CTU2: variants seen among roughly 807,000 people sequenced by gnomAD.
CTU2 encodes cytoplasmic tRNA 2-thiolation protein 2.
CTU2 carries 80 observed loss-of-function variants against 64.1 expected under a neutral mutation model. The observed-to-expected ratio is 1.25, with a 90% CI of 1.04 to 1.50. The LOEUF is 1.50. Among genes scored for constraint, CTU2 ranks in the 40% most tolerant of loss-of-function variants. CTU2 has a pLI of 0.00. For synonymous variants in CTU2, 482 were observed against 285.3 expected (o/e 1.69, Z -6.95); for missense variants, 1,110 against 690.2 (o/e 1.61, Z -6.81).
rs199700993 is a variant in CTU2, at chr16:88,714,631, C to T, written c.1246C>T (p.Gln416Ter). Residue 416 changes from glutamine to a stop codon, truncating the protein, a stop_gained, in exon 12 of 15, where the codon CAG (glutamine) becomes TAG (stop). Transcript: ENST00000453996. LOFTEE classifies it high-confidence loss of function. ...GGCTCAGACCTCCTCGCGTCTCTCC[C>T]AGATGCAGTCACCCATCCCCCTGAC... Reference protein sequence around the residue: ...FGAQTSSRLSQMQSPIPLTET... With the variant: ...FGAQTSSRLS 2.4e-5 allele frequency: 39 copies of T among 1,612,492 alleles called. No homozygotes were observed. In the Middle Eastern group the frequency reaches 8.2e-4, roughly 34 times the overall value.
Position 88,706,572 on chromosome 16 carries a change from G to A in CTU2, c.42G>A (p.Glu14=), listed in dbSNP as rs966580959. ...VGEDYGEPAP[E]EPPPAPRPSR... is the part of the protein sequence containing the mutation. ...AGGACTACGGGGAGCCGGCGCCTGA[G>A]GAGCCGCCCCCGGCGCCGCGGCCCA... The change falls in exon 1 of 15, where the codon GAG becomes GAA. Residue 14 remains glutamate (E), a synonymous_variant. Coordinates refer to ENST00000453996, the MANE Select transcript of CTU2 (RefSeq NM_001012759.3). 4.5e-5 allele frequency: 65 copies of A among 1,455,998 alleles called. No homozygotes were observed. Among genetic ancestry groups the A allele is most frequent in the Non-Finnish European group, 5.5e-5 (61 of 1,111,220 alleles). 90.2% of individuals were successfully genotyped at this position (1,455,998 alleles called of 1,614,324 possible). A position where few individuals can be genotyped will look rare whatever the true frequency, so the allele number is the denominator to read the frequency against.
chr16:88,712,441 C>A (rs902084941), intron 6 of CTU2, 58 bp downstream of exon 6: 1 of 1,474,078 alleles, frequency 6.8e-7, no homozygotes. Flanking sequence ...GGCACCTGCC[C>A]GTGTCCCAGC....
chr16:88,714,949 T>C, intron 13 of CTU2, 23 bp downstream of exon 13: 1 of 1,610,314 alleles, frequency 6.2e-7, no homozygotes, highest in Non-Finnish European at 8.5e-7. Context: ...CCACCTGTCC[T>C]GGGCCGGGCT....
chr16:88,712,792 G>A lies in CTU2; in HGVS notation c.624G>A (p.Leu208=). ...QGEEQPPQPP[L]DPQNLARPPA... ...AGGAACAGCCACCCCAGCCCCCGCTGGACCCCCAGAACCTGGCAAGACCGC... is the reference window on the plus strand; with the variant it reads ...AGGAACAGCCACCCCAGCCCCCGCTAGACCCCCAGAACCTGGCAAGACCGC... The change falls in exon 7 of 15, where the codon CTG becomes CTA. Residue 208 remains leucine, a synonymous_variant. Transcript: ENST00000453996. 3 of 1,608,052 alleles carry A rather than the reference G, an allele frequency of 1.9e-6. No homozygotes were observed. The highest frequency in any genetic ancestry group is 2.5e-6 in the Non-Finnish European group (3 of 1,177,892).
rs768811120 is a variant in CTU2 at position 88,714,932 on chromosome 16, T to G, written c.1419+6T>G. ...GCGTGAACATGAAGGACTTGGTGAG[T>G]ACGTGCCCACCTGTCCTGGGCCGGG... On this transcript the variant is annotated splice_donor_region_variant and intron_variant, in intron 13 of 14. Transcript: ENST00000453996. 3.1e-6 allele frequency: 5 copies of G among 1,612,498 alleles called. No homozygotes were observed.
chr16:88,712,040 C>A (rs760149102), intron 5 of CTU2: 3 of 666,806 alleles, frequency 4.5e-6, no homozygotes, highest in Non-Finnish European at 8.2e-6. Context: ...GGGGCCGACT[C>A]CCCGACCCTT....
In CTU2 at chr16:88,714,195, C is replaced by T; in HGVS notation, c.1065C>T (p.Thr355=). The change falls in exon 10 of 15, where the codon ACC becomes ACT. Residue 355 remains threonine (T), a synonymous_variant. Transcript: ENST00000453996. ...LMEAFILRLQ[T]QFPSTVSTVY... is the part of the protein sequence containing the mutation. Reference sequence around the variant, plus strand: ...AGGCCTTCATCCTCAGGCTGCAGACCCAGTTCCCCTCCACTGTCAGCACTG... The same window carrying T: ...AGGCCTTCATCCTCAGGCTGCAGACTCAGTTCCCCTCCACTGTCAGCACTG... The T allele has an allele frequency of 6.2e-7, 1 of 1,612,214 alleles. No homozygotes were observed. Among genetic ancestry groups the T allele is most frequent in the Non-Finnish European group, 8.5e-7 (1 of 1,179,842 alleles).
rs190598648 is a variant in CTU2, at chr16:88,715,033, C to G, written c.1420-15C>G. ...GGCAGGTTTCTTGGCCCCTCGACACCGGCCTCTGTTGCAGCCCTCACTGGA... is the reference window on the plus strand; with the variant it reads ...GGCAGGTTTCTTGGCCCCTCGACACGGGCCTCTGTTGCAGCCCTCACTGGA... On this transcript the variant is annotated splice_polypyrimidine_tract_variant and intron_variant, in intron 13 of 14. Coordinates refer to ENST00000453996, the MANE Select transcript of CTU2 (RefSeq NM_001012759.3). 1.9e-6 allele frequency: 3 copies of G among 1,577,192 alleles called. No individual in the cohort carries two copies. The highest frequency in any genetic ancestry group is 2.6e-6 in the Non-Finnish European group (3 of 1,160,482).
chr16:88,712,038 C>T (rs1333973751), intron 5 of CTU2: 4 of 658,908 alleles, frequency 6.1e-6, no homozygotes, highest in Non-Finnish European at 1.1e-5. Context: ...CAGGGGCCGA[C>T]TCCCCGACCC....
chr16:88,712,113 A>G (rs1375209122), intron 5 of CTU2, 161 bp from the exon 6 acceptor site: 1 of 727,938 alleles, frequency 1.4e-6, no homozygotes, highest in Non-Finnish European at 2.5e-6. Flanking sequence ...CAAGAGAGAA[A>G]CCCCTGCCCA....
At chr16:88,710,488 C>T (rs1384654711) in intron 4 of CTU2, 1 of 583,884 alleles carries the variant, frequency 1.7e-6, no homozygotes, top group African/African-American at 1.9e-5. Context: ...GGCCCACTCT[C>T]AGATGTGTTT....
rs2306046 is a variant in CTU2 at position 88,715,011 on chromosome 16, A to G, written c.1420-37A>G. On this transcript the variant is annotated intron_variant, in intron 13 of 14. Coordinates refer to ENST00000453996, the MANE Select transcript of CTU2 (RefSeq NM_001012759.3). ...GTGGGTGGCTTGAGGGGGTGCTGGC[A>G]GGTTTCTTGGCCCCTCGACACCGGC... The G allele has an allele frequency of 0.9, 1,421,165 of 1,586,704 alleles. 636,828 individuals carry two copies. The highest frequency in any genetic ancestry group is 0.94 in the Middle Eastern group (5,621 of 5,982).
chr16:88,712,933 G>A (rs756796932), intron 7 of CTU2, 28 bp downstream of exon 7: 9 of 1,241,362 alleles, frequency 7.3e-6, no homozygotes, highest in Admixed American at 3.0e-5. Context: ...CCCCTTCCCC[G>A]GGCCCTGACC....
intron 2 of CTU2, among the ~76,000 whole-genome samples, chr16:88,707,842 A>C (rs995797882): frequency 2.1e-4 from 31 of 151,078 alleles, no homozygotes; most frequent in African/African-American, 7.1e-4. Flanking sequence ...TCCCTCTGTC[A>C]CCCAGGCTGG....
intron 1 of CTU2, 112 bp downstream of exon 1, chr16:88,706,710 C>T (rs1910869903): frequency 2.6e-6 from 2 of 757,230 alleles, no homozygotes; most frequent in African/African-American, 3.7e-5. Context: ...GAGAGCGGGA[C>T]CTCGCTCCCT....
rs144162256 is a variant in CTU2, at chr16:88,706,942, G to A, written c.69-194G>A. ...TGTGCCCCCTGAGCCGGCTTTTCTA[G>A]GCTAAACATCCCCCCAGAGCCTTTG... On this transcript the variant is annotated intron_variant, in intron 1 of 14. Transcript: ENST00000453996. 1.3e-3 allele frequency: 780 copies of A among 601,630 alleles called. 4 individuals are homozygous for A. The African/African-American group carries it at 0.014, about 10-fold the overall frequency. The allele number at this position is 601,630 out of a possible 1,614,324, so 37.3% of individuals were successfully genotyped here.
Position 88,712,781 on chromosome 16 carries a change from C to T in CTU2, c.613C>T (p.Gln205Ter). ...GPTQGEEQPP[Q>*]PPLDPQNLAR... ...GACTCAAGGGGAGGAACAGCCACCC[C>T]AGCCCCCGCTGGACCCCCAGAACCT... The change falls in exon 7 of 15, where the codon CAG becomes TAG. Residue 205 changes from glutamine to a stop codon, truncating the protein, a stop_gained. Coordinates refer to ENST00000453996, the MANE Select transcript of CTU2 (RefSeq NM_001012759.3). LOFTEE classifies it high-confidence loss of function. 1 of 1,608,246 alleles carries T rather than the reference C, an allele frequency of 6.2e-7. No individual in the cohort carries two copies. The highest frequency in any genetic ancestry group is 8.5e-7 in the Non-Finnish European group (1 of 1,178,024).
In CTU2 at chr16:88,706,586, C is replaced by A; in HGVS notation, c.56C>A (p.Ala19Glu). The change falls in exon 1 of 15, where the codon GCG (alanine) becomes GAG (glutamate). Residue 19 changes from alanine (A) to glutamate (E), a missense_variant. By Grantham distance (107) the Ala-to-Glu change is moderately radical. Coordinates refer to ENST00000453996, the MANE Select transcript of CTU2 (RefSeq NM_001012759.3). ...CCGGCGCCTGAGGAGCCGCCCCCGG[C>A]GCCGCGGCCCAGGTAAGAGCTGGCG... ...GEPAPEEPPP[A>E]PRPSREQKCV... 6.9e-7 allele frequency: 1 copy of A among 1,452,726 alleles called. No homozygotes were observed. The highest frequency in any genetic ancestry group is 9.0e-7 in the Non-Finnish European group (1 of 1,109,634). 90.0% of individuals were successfully genotyped at this position (1,452,726 alleles called of 1,614,324 possible). A position where few individuals can be genotyped will look rare whatever the true frequency, so the allele number is the denominator to read the frequency against.
At chr16:88,707,631 G>C (rs1285225760) in intron 2 of CTU2, among the ~76,000 whole-genome samples, 1 of 152,162 alleles carries the variant, frequency 6.6e-6, no homozygotes, top group Non-Finnish European at 1.5e-5. Context: ...TGGCAGGATA[G>C]AGGCTTGGAA....
Sources: gnomAD v4.1 joint callset for allele counts (sites outside exome capture counted in the v4.1 genomes callset) on GRCh38, gnomAD v4.1.1 for gene constraint, MANE v1.5 for transcripts, NCBI Gene and HGNC (gene_info 2026-07-23, HGNC 2026-07-21) for gene names.